The following PKD1 variants were observed in gnomAD, a reference collection of about 807,000 sequenced individuals.
PKD1 encodes the protein polycystin-1.
A neutral mutation model predicts 361.7 loss-of-function variants in PKD1; 81 were observed. The observed-to-expected ratio is 0.22, with a 90% CI of 0.19 to 0.27. PKD1 has a LOEUF of 0.27. Ranked by LOEUF, PKD1 falls within the 10% of genes least tolerant of loss-of-function variation. The pLI is 1.00. For synonymous variants in PKD1, 3,615 were observed against 2,818.3 expected (o/e 1.28, Z -8.95); for missense variants, 6,399 against 6,118.3 (o/e 1.05, Z -1.53).
Position 2,115,229 on chromosome 16 carries a change from C to T in PKD1, c.2097+149G>A, listed in dbSNP as rs545637917. ...TCTCCCACTGGGAGAGGGCCGAGGG[C>T]ACTGCAGAGGTCGGAGGTCAGAGGT... On this transcript the variant is annotated intron_variant, in intron 10 of 45. Coordinates refer to ENST00000262304, the MANE Select transcript of PKD1 (RefSeq NM_001009944.3). 165 of 1,047,642 alleles carry T rather than the reference C, an allele frequency of 1.6e-4. No individual in the cohort carries two copies. In the African/African-American group the frequency reaches 2.5e-3, roughly 16 times the overall value. The allele number at this position is 1,047,642 out of a possible 1,614,324, so 64.9% of individuals were successfully genotyped here.
Position 2,109,947 on chromosome 16 carries a change from G to A in PKD1, c.5220C>T (p.Ala1740=), listed in dbSNP as rs146915755. ...AAVNTSVTLS[A]ELAGGSGVVY... is the part of the protein sequence containing the mutation. ...CGACACCACTGCCACCAGCCAGCTC[G>A]GCACTGAGGGTGACGCTTGTGTTGA... The change falls in exon 15 of 46, where the codon GCC becomes GCT. Residue 1740 remains alanine (A), a synonymous_variant. Coordinates refer to ENST00000262304, the MANE Select transcript of PKD1 (RefSeq NM_001009944.3). 2.5e-4 allele frequency: 399 copies of A among 1,610,006 alleles called. 1 individual carries two copies. Among genetic ancestry groups the A allele is most frequent in the Non-Finnish European group, 3.1e-4 (368 of 1,179,498 alleles).
intron 34 of PKD1, 85 bp downstream of exon 34, chr16:2,097,063 A>AACC: frequency 7.7e-6 from 6 of 780,508 alleles, no homozygotes; most frequent in Non-Finnish European, 1.1e-5. Flanking sequence ...ACCCCACCCT[A>AACC]CCCCAGGCGG....
chr16:2,110,586 C>G lies in PKD1; in HGVS notation c.4581G>C (p.Val1527=). ...YNSTGDFTVR[V]AGWNEVSRSE... is the part of the protein sequence containing the mutation. ...TGCGGCTCACCTCATTCCAGCCGGC[C>G]ACCCTAACGGTGAAGTCACCTGTGC... Residue 1527 remains valine (V), a synonymous_variant, in exon 15 of 46, where the codon GTG becomes GTC. Transcript: ENST00000262304. 2 of 1,611,004 alleles carry G rather than the reference C, an allele frequency of 1.2e-6. No individual in the cohort carries two copies. Among genetic ancestry groups the G allele is most frequent in the Non-Finnish European group, 1.7e-6 (2 of 1,179,778 alleles).
chr16:2,112,518 G>A (rs777321699), intron 13 of PKD1, 45 bp from the exon 14 acceptor site: 2 of 1,553,152 alleles, frequency 1.3e-6, no homozygotes, highest in South Asian at 1.2e-5. Context: ...GACAGGGGTG[G>A]GCGGTGGCGG....
In PKD1 at chr16:2,097,912, C is replaced by G; in HGVS notation, c.10123G>C (p.Val3375Leu). The G allele has an allele frequency of 1.2e-6, 2 of 1,604,302 alleles. No homozygotes were observed. The highest frequency in any genetic ancestry group is 1.7e-6 in the Non-Finnish European group (2 of 1,173,998). Residue 3375 changes from valine to leucine, a missense_variant, in exon 31 of 46, where the codon GTG (valine) becomes CTG (leucine). By Grantham distance (32) the Val-to-Leu change is conservative (BLOSUM62 1). Coordinates refer to ENST00000262304, the MANE Select transcript of PKD1 (RefSeq NM_001009944.3). ...LDIDSCLDSSVLDSSFLTFSG... is the reference protein window; with the variant it reads ...LDIDSCLDSSLLDSSFLTFSG... The stretch of plus-strand genomic sequence containing the variant: ...AACGTGAGGAAGGAGCTGTCCAGCA[C>G]GGACGAGTCCAGGCAGCTGTCGATG...
Position 2,091,486 on chromosome 16 carries a change from G to T in PKD1, c.11649C>A (p.Leu3883=). The T allele has an allele frequency of 7.2e-7, 1 of 1,384,502 alleles. No individual in the cohort carries two copies. Among genetic ancestry groups the T allele is most frequent in the Admixed American group, 3.6e-5 (1 of 28,110 alleles). 85.8% of individuals were successfully genotyped at this position (1,384,502 alleles called of 1,614,324 possible). Residue 3883 remains leucine (L), a synonymous_variant, in exon 42 of 46, where the codon CTC becomes CTA. Transcript: ENST00000262304. The part of the protein sequence containing the change: ...FPAAGRALAA[L]SVRPFALRRL... ...GGCGCAGCGCAAAGGGGCGGACGCT[G>T]AGGGCGGCCAGGGCGCGGCCGGCCG... is the stretch of plus-strand genomic sequence containing the variant.
intron 1 of PKD1, among the ~76,000 whole-genome samples, chr16:2,125,557 C>T (rs1004723604): frequency 1.4e-4 from 22 of 152,194 alleles, no homozygotes; most frequent in Admixed American, 7.2e-4. Context: ...ATGGAGACTC[C>T]GGCCTCGGAG....
In PKD1 at chr16:2,090,703, C is replaced by T; in HGVS notation, c.12109G>A (p.Gly4037Arg). The T allele has an allele frequency of 6.2e-7, 1 of 1,612,376 alleles. No homozygotes were observed. Among genetic ancestry groups the T allele is most frequent in the South Asian group, 1.1e-5 (1 of 91,074 alleles). ...LGVTLGLVVL[G>R]VAYAQLAILL... ...ATGGCCAGCTGGGCGTAGGCTACCCCGAGCACCACCAGGCCCAAGGTGACC... is the reference window on the plus strand; with the variant it reads ...ATGGCCAGCTGGGCGTAGGCTACCCTGAGCACCACCAGGCCCAAGGTGACC... The change falls in exon 44 of 46, where the codon GGG becomes AGG. Residue 4037 changes from glycine (G) to arginine (R), a missense_variant. Coordinates refer to ENST00000262304, the MANE Select transcript of PKD1 (RefSeq NM_001009944.3).
intron 1 of PKD1, among the ~76,000 whole-genome samples, chr16:2,122,211 G>A (rs1351706172): frequency 6.6e-6 from 1 of 152,260 alleles, no homozygotes; most frequent in Non-Finnish European, 1.5e-5. Flanking sequence ...TGGGCTGGGT[G>A]CCCAGACAGA....
rs2854565 is a variant in PKD1, at chr16:2,123,755, C to T, written c.216-4377G>A. ...AGCAGAGTGCAGGGTCCTCTGGGGT[C>T]CCAGGCCCTTGCTGCCCCACGCACT... is the stretch of plus-strand genomic sequence containing the variant. On this transcript the variant is annotated intron_variant, in intron 1 of 45. Coordinates refer to ENST00000262304, the MANE Select transcript of PKD1 (RefSeq NM_001009944.3). Among the ~76,000 whole-genome samples, 5 of 152,188 alleles carry T rather than the reference C, an allele frequency of 3.3e-5. No homozygotes were observed. In the South Asian group the frequency reaches 6.2e-4, roughly 19 times the overall value.
At chr16:2,102,716 T>A (rs2092147547) in intron 24 of PKD1, 83 bp from the exon 25 acceptor site, 2 of 1,605,908 alleles carry the variant, frequency 1.2e-6, no homozygotes, top group African/African-American at 1.3e-5. Flanking sequence ...CCCGGTCCAG[T>A]CCCCTCGCTG....
At chr16:2,107,061 A>T in intron 16 of PKD1, 113 bp from the exon 17 acceptor site, 1 of 972,616 alleles carries the variant, frequency 1.0e-6, no homozygotes, top group Non-Finnish European at 1.6e-6. Flanking sequence ...GGGCCTGGCC[A>T]CTGCCGGTGA....
rs927523226 is a variant in PKD1, at chr16:2,091,612, C to A, written c.11538-15G>T. ...CAGCGCGGCTCCTGCGCAGAGGGTG[C>A]GGGTCAGTAGGAGCGGGTGGCAGGG... On this transcript the variant is annotated splice_polypyrimidine_tract_variant and intron_variant, in intron 41 of 45. Transcript: ENST00000262304. The A allele has an allele frequency of 1.1e-5, 17 of 1,560,334 alleles. No homozygotes were observed. The Admixed American group carries it at 2.5e-4, about 23-fold the overall frequency.
rs139921287 is a variant in PKD1, at chr16:2,097,892, G to A, written c.10143C>T (p.Leu3381=). ...LDSSVLDSSF[L]TFSGLHAEQA... Reference sequence around the variant, plus strand: ...CCTCAGCGTGGAGGCCTGAGAACGTGAGGAAGGAGCTGTCCAGCACGGACG... The same window carrying A: ...CCTCAGCGTGGAGGCCTGAGAACGTAAGGAAGGAGCTGTCCAGCACGGACG... Residue 3381 remains leucine, a synonymous_variant, in exon 31 of 46, where the codon CTC becomes CTT. Coordinates refer to ENST00000262304, the MANE Select transcript of PKD1 (RefSeq NM_001009944.3). 54 of 1,604,744 alleles carry A rather than the reference G, an allele frequency of 3.4e-5. No homozygotes were observed. The highest frequency in any genetic ancestry group is 3.3e-5 in the Non-Finnish European group (39 of 1,174,300).
At chr16:2,135,227 G>A (rs2092936551) in intron 1 of PKD1, 1 of 984,342 alleles carries the variant, frequency 1.0e-6, no homozygotes, top group Non-Finnish European at 1.2e-6. Context: ...TCCGCGCCCC[G>A]CCCCCGCTGG....
rs758098204 is a variant in PKD1, at chr16:2,090,816, C to T, written c.12004-8G>A. 3 of 1,612,208 alleles carry T rather than the reference C, an allele frequency of 1.9e-6. No homozygotes were observed. The highest frequency in any genetic ancestry group is 1.7e-6 in the Non-Finnish European group (2 of 1,179,942). ...GCGTAGCTGCTGGGCAGCCTGCGGA[C>T]GAGAAATCTGTCTGCTTGCAGCCCT... On this transcript the variant is annotated splice_region_variant and splice_polypyrimidine_tract_variant and intron_variant, in intron 43 of 45. Transcript: ENST00000262304.
rs1043742408 is a variant in PKD1 at position 2,090,399 on chromosome 16, G to A, written c.12330C>T (p.Tyr4110=). ...GGTACAGCTCTCCACGCAAGGCGTGGTAGCGCCAGCGGAGAATAACAGCCC... is the reference window on the plus strand; with the variant it reads ...GGTACAGCTCTCCACGCAAGGCGTGATAGCGCCAGCGGAGAATAACAGCCC... The part of the protein sequence containing the change: ...RLGAVILRWR[Y]HALRGELYRP... Residue 4110 remains tyrosine, a synonymous_variant, in exon 45 of 46, where the codon TAC becomes TAT. Coordinates refer to ENST00000262304, the MANE Select transcript of PKD1 (RefSeq NM_001009944.3). 6.2e-7 allele frequency: 1 copy of A among 1,612,682 alleles called. No homozygotes were observed. The highest frequency in any genetic ancestry group is 2.2e-5 in the East Asian group (1 of 44,874).
rs746088469 is a variant in PKD1 at position 2,106,078 on chromosome 16, C to A, written c.7703+13G>T. The stretch of plus-strand genomic sequence containing the variant: ...TGGCAGTCTCGGGGGCGCCCTCCCA[C>A]GGCCTGGCTCACCTGTTGAGGGCGA... On this transcript the variant is annotated intron_variant, in intron 19 of 45. Transcript: ENST00000262304. The surrounding 1 kb of genome is among the most constrained non-coding windows in gnomAD (Gnocchi z 6.5). The A allele has an allele frequency of 1.9e-6, 3 of 1,604,032 alleles. No individual in the cohort carries two copies. Among genetic ancestry groups the A allele is most frequent in the South Asian group, 2.2e-5 (2 of 90,736 alleles).
rs577809626 is a variant in PKD1, at chr16:2,103,393, G to A, written c.8664C>T (p.Arg2888=). 9 of 1,600,552 alleles carry A rather than the reference G, an allele frequency of 5.6e-6. No homozygotes were observed. The East Asian group carries it at 1.1e-4, about 20-fold the overall frequency. The change falls in exon 23 of 46, where the codon CGC becomes CGT. Residue 2888 remains arginine, a synonymous_variant. Transcript: ENST00000262304. The part of the protein sequence containing the change: ...NNSDWAARGH[R]SSANSANSVV... Reference sequence around the variant, plus strand: ...CGGAGTTGGCGGAGTTGGCGGAGCTGCGGTGGCCCCGGGCAGCCCAGTCCG... The same window carrying A: ...CGGAGTTGGCGGAGTTGGCGGAGCTACGGTGGCCCCGGGCAGCCCAGTCCG...
Sources: gnomAD v4.1 joint callset for allele counts (sites outside exome capture counted in the v4.1 genomes callset) on GRCh38, gnomAD v4.1.1 for gene constraint, Gnocchi (gnomAD v3.1) non-coding constraint, MANE v1.5 for transcripts, NCBI Gene and HGNC (gene_info 2026-07-23, HGNC 2026-07-21) for gene names.